Variants in C15orf61 observed in about 807,000 individuals in gnomAD.
The protein encoded by C15orf61 is uncharacterized protein C15orf61.
C15orf61 carries 12 observed loss-of-function variants against 13.7 expected under a neutral mutation model. The observed-to-expected ratio is 0.88, with a 90% CI of 0.56 to 1.42. The LOEUF (loss-of-function observed/expected upper bound fraction) is 1.42. C15orf61 is among the 40% of genes most tolerant of loss of function. The probability of loss-of-function intolerance (pLI) is 0.00; values close to 1 mark genes in which losing one functional copy is unlikely to be tolerated. For synonymous variants in C15orf61, 92 were observed against 94.1 expected (o/e 0.98, Z 0.13); for missense variants, 248 against 213.2 (o/e 1.16, Z -1.02).
At position 67,526,557 on chromosome 15, in the gene C15orf61, A is replaced by C; in HGVS notation, c.*12A>C. 1 of 1,500,908 alleles carries C rather than the reference A, an allele frequency of 6.7e-7. No individual in the cohort carries two copies. The highest frequency in any genetic ancestry group is 8.9e-7 in the Non-Finnish European group (1 of 1,121,738). 93.0% of individuals were successfully genotyped at this position (1,500,908 alleles called of 1,614,324 possible). A position where few individuals can be genotyped will look rare whatever the true frequency, so the allele number is the denominator to read the frequency against. ...GTGCCATGTATTGAAAGTGTGCGTC[A>C]AAGAACATAAATATCAGTGGATTTT... is the stretch of plus-strand genomic sequence containing the variant. On this transcript the variant is annotated 3_prime_UTR_variant, in exon 2 of 2. Transcript: ENST00000342683.
At chr15:67,521,634 C>A in intron 1 of C15orf61, 40 bp downstream of exon 1, 1 of 1,425,814 alleles carries the variant, frequency 7.0e-7, no homozygotes, top group Non-Finnish European at 9.4e-7. Flanking sequence ...GAAGCCCGCC[C>A]GGCCGGGACG....
At position 67,521,471 on chromosome 15, in the gene C15orf61, G is replaced by A; in HGVS notation, c.223G>A (p.Ala75Thr). ...LSHFNWPVQG[A>T]NYHVLRTGCF... The stretch of plus-strand genomic sequence containing the variant: ...GCACTTCAACTGGCCGGTGCAGGGC[G>A]CCAACTACCACGTCCTGCGCACCGG... The change falls in exon 1 of 2, where the codon GCC (alanine) becomes ACC (threonine). Residue 75 changes from alanine (A) to threonine (T), a missense_variant. Transcript: ENST00000342683. The A allele has an allele frequency of 6.5e-7, 1 of 1,548,204 alleles. No homozygotes were observed.
intron 1 of C15orf61, 99 bp downstream of exon 1, chr15:67,521,693 C>T: frequency 1.7e-6 from 2 of 1,207,196 alleles, no homozygotes; most frequent in Non-Finnish European, 2.3e-6. Context: ...CCGGTAGAGT[C>T]CCGCGGGAGT....
At chr15:67,521,998 C>G in intron 1 of C15orf61, 1 of 696,242 alleles carries the variant, frequency 1.4e-6, no homozygotes, top group Non-Finnish European at 2.6e-6. Context: ...TTTGCAGCTG[C>G]GTTTATGTTG....
At chr15:67,523,079 G>A (rs2084177711) in intron 1 of C15orf61, among the ~76,000 whole-genome samples, 1 of 152,078 alleles carries the variant, frequency 6.6e-6, no homozygotes, top group African/African-American at 2.4e-5. Context: ...GTGATTTAAT[G>A]GTCTGTATGG....
At position 67,521,552 on chromosome 15, in the gene C15orf61, C is replaced by G. The variant is rs2084162495; in HGVS notation, c.304C>G (p.Arg102Gly). 6.5e-7 allele frequency: 1 copy of G among 1,542,812 alleles called. No individual in the cohort carries two copies. Among genetic ancestry groups the G allele is most frequent in the Non-Finnish European group, 8.8e-7 (1 of 1,142,644 alleles). Residue 102 changes from arginine to glycine, a missense_variant, in exon 1 of 2, where the codon CGG becomes GGG. Transcript: ENST00000342683. ...CAAGGCTCCCTGGCAGGACCTGGCC[C>G]GGCAGAACCGCTTCTTCACGGCGCT... Reference protein sequence around the residue: ...CSKAPWQDLARQNRFFTALKV... With the variant: ...CSKAPWQDLAGQNRFFTALKV...
rs1304924032 is a variant in C15orf61, at chr15:67,527,659, A to C, written c.*1114A>C. On this transcript the variant is annotated 3_prime_UTR_variant, in exon 2 of 2. Coordinates refer to ENST00000342683, the MANE Select transcript of C15orf61 (RefSeq NM_001143936.2). ...ACACATTTTTGTAGCAAAACATTTTATAAAATTCAACATTTGGATGCTTAT... is the reference window on the plus strand; with the variant it reads ...ACACATTTTTGTAGCAAAACATTTTCTAAAATTCAACATTTGGATGCTTAT... 6.6e-6 allele frequency: 1 copy of C among 152,210 alleles called. No homozygotes were observed. The highest frequency in any genetic ancestry group is 2.4e-5 in the African/African-American group (1 of 41,452). 9.4% of individuals were successfully genotyped at this position (152,210 alleles called of 1,614,324 possible). A position where few individuals can be genotyped will look rare whatever the true frequency, so the allele number is the denominator to read the frequency against.
intron 1 of C15orf61, 24 bp from the exon 2 acceptor site, chr15:67,526,394 T>A: frequency 6.9e-7 from 1 of 1,455,516 alleles, no homozygotes; most frequent in Non-Finnish European, 9.4e-7. Context: ...CATTGATGTT[T>A]ATACATATTC....
Position 67,526,234 on chromosome 15 carries a change from G to A in C15orf61, c.347-184G>A, listed in dbSNP as rs559378725. ...ATAGTATGAAAACCTCTGGACTCAC[G>A]TGATTGCCATCATGTGCCACGTTGA... On this transcript the variant is annotated intron_variant, in intron 1 of 1. Transcript: ENST00000342683. 4.4e-3 allele frequency among the ~76,000 whole-genome samples: 674 copies of A among 152,270 alleles called. 5 individuals are homozygous for A. Among genetic ancestry groups the A allele is most frequent in the African/African-American group, 0.015 (639 of 41,554 alleles).
At position 67,525,102 on chromosome 15, in the gene C15orf61, C is replaced by T. The variant is rs1377608990; in HGVS notation, c.347-1316C>T. Among the ~76,000 whole-genome samples, 1 of 152,216 alleles carries T rather than the reference C, an allele frequency of 6.6e-6. No homozygotes were observed. The highest frequency in any genetic ancestry group is 1.9e-4 in the East Asian group (1 of 5,200). On this transcript the variant is annotated intron_variant, in intron 1 of 1. Coordinates refer to ENST00000342683, the MANE Select transcript of C15orf61 (RefSeq NM_001143936.2). The surrounding 1 kb of genome is among the most constrained non-coding windows in gnomAD (Gnocchi z 4.9). Reference sequence around the variant, plus strand: ...CCGCCTGCTTCGGCCTCCCAAAGTGCTGGGATTACAGGCGTGAGCCACAGT... The same window carrying T: ...CCGCCTGCTTCGGCCTCCCAAAGTGTTGGGATTACAGGCGTGAGCCACAGT...
chr15:67,526,741 G>T lies in C15orf61; in HGVS notation c.*196G>T, dbSNP rs761198134. 9.7e-6 allele frequency: 4 copies of T among 410,776 alleles called. No homozygotes were observed. In the East Asian group the frequency reaches 1.2e-4, roughly 12 times the overall value. The allele number at this position is 410,776 out of a possible 1,614,324, so 25.4% of individuals were successfully genotyped here. On this transcript the variant is annotated 3_prime_UTR_variant, in exon 2 of 2. Coordinates refer to ENST00000342683, the MANE Select transcript of C15orf61 (RefSeq NM_001143936.2). ...TATATATTACATACTCTGTTTAGCT[G>T]ATGTGAACTACAAACACATGAAGCT...
chr15:67,522,656 G>A (rs2084175074), intron 1 of C15orf61, among the ~76,000 whole-genome samples: 1 of 152,176 alleles, frequency 6.6e-6, no homozygotes, highest in African/African-American at 2.4e-5. Context: ...CACTACTTTG[G>A]AGGTTGGTTG....
Position 67,526,380 on chromosome 15 carries a change from T to C in C15orf61, c.347-38T>C, listed in dbSNP as rs982836606. On this transcript the variant is annotated intron_variant, in intron 1 of 1. Coordinates refer to ENST00000342683, the MANE Select transcript of C15orf61 (RefSeq NM_001143936.2). ...CGTGATCAGTAACTTGCATGATTAA[T>C]AAGCATTGATGTTTATACATATTCG... is the stretch of plus-strand genomic sequence containing the variant. 10 of 1,349,466 alleles carry C rather than the reference T, an allele frequency of 7.4e-6. No individual in the cohort carries two copies. In the East Asian group the frequency reaches 2.6e-4, roughly 34 times the overall value. The allele number at this position is 1,349,466 out of a possible 1,614,324, so 83.6% of individuals were successfully genotyped here.
chr15:67,521,343 C>T lies in C15orf61; in HGVS notation c.95C>T (p.Ala32Val). The change falls in exon 1 of 2, where the codon GCC becomes GTC. Residue 32 changes from alanine (A) to valine (V), a missense_variant. Transcript: ENST00000342683. ...SRAAARPKPSASEVLTRHLLQ... is the reference protein window; with the variant it reads ...SRAAARPKPSVSEVLTRHLLQ... Reference sequence around the variant, plus strand: ...GCCGCCGCCCGCCCCAAGCCCAGCGCCTCGGAGGTGCTGACGCGGCATCTG... The same window carrying T: ...GCCGCCGCCCGCCCCAAGCCCAGCGTCTCGGAGGTGCTGACGCGGCATCTG... 1 of 1,535,692 alleles carries T rather than the reference C, an allele frequency of 6.5e-7. No individual in the cohort carries two copies. The highest frequency in any genetic ancestry group is 8.7e-7 in the Non-Finnish European group (1 of 1,145,844).
chr15:67,524,837 G>GTTTTTT (rs374398669), intron 1 of C15orf61, among the ~76,000 whole-genome samples: 21 of 122,778 alleles, frequency 1.7e-4, no homozygotes, highest in African/African-American at 3.3e-4. Flanking sequence ...TTTTTTGTTT[G>GTTTTTT]TTTTTTTTTT....
Position 67,521,317 on chromosome 15 carries a change from C to T in C15orf61, c.69C>T (p.Arg23=). 6.6e-7 allele frequency: 1 copy of T among 1,526,308 alleles called. No homozygotes were observed. Among genetic ancestry groups the T allele is most frequent in the Non-Finnish European group, 8.8e-7 (1 of 1,141,624 alleles). 94.5% of individuals were successfully genotyped at this position (1,526,308 alleles called of 1,614,324 possible). A position where few individuals can be genotyped will look rare whatever the true frequency, so the allele number is the denominator to read the frequency against. The change falls in exon 1 of 2, where the codon CGC becomes CGT. Residue 23 remains arginine, a synonymous_variant. Coordinates refer to ENST00000342683, the MANE Select transcript of C15orf61 (RefSeq NM_001143936.2). The part of the protein sequence containing the change: ...RLLLCRPWAS[R]AAARPKPSAS... ...TGCTGTGTAGGCCGTGGGCCTCGCGCGCCGCCGCCCGCCCCAAGCCCAGCG... is the reference window on the plus strand; with the variant it reads ...TGCTGTGTAGGCCGTGGGCCTCGCGTGCCGCCGCCCGCCCCAAGCCCAGCG...
At position 67,525,962 on chromosome 15, in the gene C15orf61, C is replaced by T. The variant is rs550995959; in HGVS notation, c.347-456C>T. On this transcript the variant is annotated intron_variant, in intron 1 of 1. Coordinates refer to ENST00000342683, the MANE Select transcript of C15orf61 (RefSeq NM_001143936.2). This position sits in a 1 kb window ranked among gnomAD's most constrained non-coding sequence, Gnocchi z 4.9. ...CCAGGAGGCGGAGGTGGCAGCGAGC[C>T]GAGATCGCGCCACTGCACTCCAACC... Among the ~76,000 whole-genome samples, 1 of 152,254 alleles carries T rather than the reference C, an allele frequency of 6.6e-6. No individual in the cohort carries two copies. Among genetic ancestry groups the T allele is most frequent in the Admixed American group, 6.5e-5 (1 of 15,300 alleles).
chr15:67,522,146 A>G, intron 1 of C15orf61: 1 of 701,456 alleles, frequency 1.4e-6, no homozygotes, highest in Non-Finnish European at 2.6e-6. Flanking sequence ...AGATTTTTAA[A>G]GATCTTTAAT....
At position 67,525,392 on chromosome 15, in the gene C15orf61, T is replaced by C. The variant is rs913253399; in HGVS notation, c.347-1026T>C. Among the ~76,000 whole-genome samples, 2 of 152,214 alleles carry C rather than the reference T, an allele frequency of 1.3e-5. No individual in the cohort carries two copies. The highest frequency in any genetic ancestry group is 2.9e-5 in the Non-Finnish European group (2 of 68,030). ...TTTTGTGCCAACAGTCTTATATGCA[T>C]GTGAGTGCTTAATACATATCTCTGG... On this transcript the variant is annotated intron_variant, in intron 1 of 1. Coordinates refer to ENST00000342683, the MANE Select transcript of C15orf61 (RefSeq NM_001143936.2). This position sits in a 1 kb window ranked among gnomAD's most constrained non-coding sequence, Gnocchi z 4.9.
Sources: gnomAD v4.1 joint callset for allele counts (sites outside exome capture counted in the v4.1 genomes callset) on GRCh38, gnomAD v4.1.1 for gene constraint, Gnocchi (gnomAD v3.1) non-coding constraint, MANE v1.5 for transcripts, NCBI Gene and HGNC (gene_info 2026-07-23, HGNC 2026-07-21) for gene names.